Variants in THOC1 observed in about 807,000 individuals in gnomAD.
The protein encoded by THOC1 is THO complex 1.
THOC1 carries 29 observed loss-of-function variants against 97.3 expected under a neutral mutation model. The observed-to-expected ratio is 0.30, with a 90% CI of 0.22 to 0.41. The LOEUF is 0.41. Ranked by LOEUF, THOC1 falls within the 10% of genes least tolerant of loss-of-function variation. The pLI, the probability that THOC1 is intolerant of heterozygous loss-of-function variation, is 1.00. For synonymous variants in THOC1, 255 were observed against 257.0 expected, an observed-to-expected ratio of 0.99 and a Z score of 0.07; for missense variants, 529 against 761.9, an observed-to-expected ratio of 0.69 and a Z score of 3.60.
chr18:257,556 C>T (rs920666886), intron 7 of THOC1, among the ~76,000 whole-genome samples: 1 of 151,924 alleles, frequency 6.6e-6, no homozygotes, highest in Non-Finnish European at 1.5e-5. Flanking sequence ...ATATGTCTCT[C>T]CTAGCTCTGG....
At chr18:226,571 C>A (rs564786961) in intron 12 of THOC1, among the ~76,000 whole-genome samples, 9 of 152,210 alleles carry the variant, frequency 5.9e-5, no homozygotes, top group Admixed American at 5.2e-4. Context: ...GACGACAACT[C>A]CTGGCAAGCC....
intron 3 of THOC1, chr18:265,018 G>A (rs1481369539): frequency 2.9e-6 from 1 of 342,288 alleles, no homozygotes; most frequent in African/African-American, 2.2e-5. Flanking sequence ...ACAGGAAAGT[G>A]AGAGAGCCCA....
chr18:220,034 T>A (rs1911023772), intron 17 of THOC1, among the ~76,000 whole-genome samples: 1 of 152,188 alleles, frequency 6.6e-6, no homozygotes, highest in Non-Finnish European at 1.5e-5. Flanking sequence ...ACTAGGAAAA[T>A]GGGCTCTTTT....
chr18:255,912 A>G (rs1912422793), intron 7 of THOC1, among the ~76,000 whole-genome samples: 2 of 152,202 alleles, frequency 1.3e-5, no homozygotes, highest in Non-Finnish European at 2.9e-5. Flanking sequence ...CTCCATCCAT[A>G]AAAAGACAAA....
chr18:215,725 C>T, intron 19 of THOC1: 1 of 472,600 alleles, frequency 2.1e-6, no homozygotes, highest in Middle Eastern at 3.2e-4. Context: ...GGAAAGACTC[C>T]CCACCCCCAA....
At chr18:217,580 G>A (rs1185967294) in intron 18 of THOC1, among the ~76,000 whole-genome samples, 1 of 152,162 alleles carries the variant, frequency 6.6e-6, no homozygotes, top group Non-Finnish European at 1.5e-5. Context: ...CTGAGGCACA[G>A]TAAGGCAGGC....
intron 11 of THOC1, among the ~76,000 whole-genome samples, chr18:239,057 A>T (rs1911807241): frequency 6.6e-6 from 1 of 152,200 alleles, no homozygotes; most frequent in Admixed American, 6.5e-5. Flanking sequence ...TTAACTCAGG[A>T]TTATTTACAC....
chr18:254,166 C>G lies in THOC1; in HGVS notation c.603+107G>C. On this transcript the variant is annotated intron_variant, in intron 8 of 20. Coordinates refer to ENST00000261600, the MANE Select transcript of THOC1 (RefSeq NM_005131.3). This position sits in a 1 kb window ranked among gnomAD's most constrained non-coding sequence, Gnocchi z 4.1. ...GGCTCAAGCGATCTGCCCACCTCAG[C>G]CTCCCAAAGTGCTAGGATTACAAGT... 1.3e-6 allele frequency: 1 copy of G among 768,654 alleles called. No individual in the cohort carries two copies. Among genetic ancestry groups the G allele is most frequent in the Non-Finnish European group, 2.2e-6 (1 of 452,168 alleles). 47.6% of individuals were successfully genotyped at this position (768,654 alleles called of 1,614,324 possible).
chr18:218,903 C>T lies in THOC1; in HGVS notation c.1437G>A (p.Met479Ile). ...ATACTTACTTATATTCATTTTCCAC[C>T]ATATTTTCAGGGTCTGCCTGTTCAA... is the stretch of plus-strand genomic sequence containing the variant. ...EAIEQADPEN[M>I]VENEYKAVNN... The change falls in exon 18 of 21, where the codon ATG (methionine) becomes ATA (isoleucine). Residue 479 changes from methionine to isoleucine, a missense_variant. Met to Ile is a conservative substitution (Grantham distance 10). Around this residue, in one of 8 missense-constraint regions of THOC1, gnomAD observed 123 missense variants for 159.0 expected, o/e 0.77. Transcript: ENST00000261600. 2 of 1,602,092 alleles carry T rather than the reference C, an allele frequency of 1.2e-6. No individual in the cohort carries two copies. The highest frequency in any genetic ancestry group is 1.7e-6 in the Non-Finnish European group (2 of 1,173,366).
rs534112652 is a variant in THOC1 at position 256,367 on chromosome 18, C to T, written c.521-2012G>A. Among the ~76,000 whole-genome samples, 6 of 152,220 alleles carry T rather than the reference C, an allele frequency of 3.9e-5. No homozygotes were observed. The South Asian group carries it at 8.3e-4, about 21-fold the overall frequency. ...TGATTCCAACCCTCATAGATGACTT[C>T]GAGGGGTTCAAGACTTCAGTGGAGG... is the stretch of plus-strand genomic sequence containing the variant. On this transcript the variant is annotated intron_variant, in intron 7 of 20. Transcript: ENST00000261600.
Position 247,948 on chromosome 18 carries a change from T to C in THOC1, c.687A>G (p.Pro229=), listed in dbSNP as rs1225174743. 1.9e-6 allele frequency: 3 copies of C among 1,576,714 alleles called. No individual in the cohort carries two copies. The highest frequency in any genetic ancestry group is 2.6e-6 in the Non-Finnish European group (3 of 1,154,676). Residue 229 remains proline, a synonymous_variant, in exon 10 of 21, where the codon CCA becomes CCG. Coordinates refer to ENST00000261600, the MANE Select transcript of THOC1 (RefSeq NM_005131.3). ...ATTTTCGATACAGGTTGTAATCAAT[T>C]GGAATAGAGCTAATAAAATAAACGT... The part of the protein sequence containing the change: ...DEEAPTTCSI[P]IDYNLYRKFW...
At chr18:264,218 G>C (rs1912693900) in intron 3 of THOC1, 126 bp from the exon 4 acceptor site, 1 of 642,870 alleles carries the variant, frequency 1.6e-6, no homozygotes, top group Non-Finnish European at 2.6e-6. Flanking sequence ...ATTTCTTATA[G>C]AAAACAATAT....
In THOC1 at chr18:258,351, C is replaced by T. The variant is rs575121146; in HGVS notation, c.520+829G>A. 5.3e-5 allele frequency among the ~76,000 whole-genome samples: 8 copies of T among 152,032 alleles called. No individual in the cohort carries two copies. The East Asian group carries it at 1.5e-3, about 29-fold the overall frequency. On this transcript the variant is annotated intron_variant, in intron 7 of 20. Transcript: ENST00000261600. ...TAACGATTTTTAGGCAAAACACAGACCTGCACTGAAGAAAAGTCTAAAAGG... is the reference window on the plus strand; with the variant it reads ...TAACGATTTTTAGGCAAAACACAGATCTGCACTGAAGAAAAGTCTAAAAGG...
intron 17 of THOC1, 106 bp downstream of exon 17, chr18:223,334 A>G (rs1159573898): frequency 6.8e-6 from 6 of 878,586 alleles, no homozygotes; most frequent in South Asian, 4.2e-5. Context: ...GTCAACCACA[A>G]TAAACTTTTA....
intron 17 of THOC1, among the ~76,000 whole-genome samples, chr18:220,570 C>T (rs774909944): frequency 6.6e-6 from 1 of 152,146 alleles, no homozygotes; most frequent in Non-Finnish European, 1.5e-5. Context: ...CTTATAAAAT[C>T]TGGGTATTTT....
chr18:237,212 T>G (rs1314073010), intron 11 of THOC1, among the ~76,000 whole-genome samples: 3 of 147,764 alleles, frequency 2.0e-5, no homozygotes, highest in Non-Finnish European at 4.4e-5. Context: ...CAGGCTGGAG[T>G]GCAGTGGCAC....
At chr18:215,366 T>C in intron 20 of THOC1, 63 bp downstream of exon 20, 1 of 1,220,468 alleles carries the variant, frequency 8.2e-7, no homozygotes, top group Non-Finnish European at 1.2e-6. Context: ...ATAATGTACC[T>C]ATCAACAAAG....
chr18:226,115 T>G (rs1911276389), intron 12 of THOC1: 1 of 152,222 alleles, frequency 6.6e-6, no homozygotes, highest in South Asian at 2.1e-4. Flanking sequence ...TAACATTTTT[T>G]GAGTGTTTAC....
intron 4 of THOC1, among the ~76,000 whole-genome samples, chr18:262,095 T>C (rs1356000442): frequency 1.3e-5 from 2 of 152,222 alleles, no homozygotes; most frequent in Non-Finnish European, 2.9e-5. Flanking sequence ...CTCTTCCTCC[T>C]CTTTACCACA....
Sources: allele counts gnomAD v4.1 joint callset (sites outside exome capture counted in the v4.1 genomes callset), GRCh38; gene constraint gnomAD v4.1.1; regional missense constraint gnomAD v4.1.1; non-coding constraint Gnocchi (gnomAD v3.1); transcripts MANE v1.5; gene names NCBI Gene and HGNC (gene_info 2026-07-23, HGNC 2026-07-21).